Variants in AGTRAP observed in about 807,000 individuals in gnomAD.
The protein encoded by AGTRAP is type-1 angiotensin II receptor-associated protein.
A neutral mutation model predicts 15.2 loss-of-function variants in AGTRAP; 7 were observed. That is an observed-to-expected ratio of 0.46 (90% CI 0.26 to 0.87). The LOEUF (loss-of-function observed/expected upper bound fraction) is 0.87, where lower values mean the gene tolerates loss of function less well. Among genes scored for constraint, AGTRAP ranks in the 40% least tolerant of loss-of-function variants. The pLI is 0.15. For synonymous variants in AGTRAP, 74 were observed against 89.6 expected, an observed-to-expected ratio of 0.83 and a Z score of 0.98; for missense variants, 187 against 213.4, an observed-to-expected ratio of 0.88 and a Z score of 0.77.
At chr1:11,738,721 A>G (rs1641956549) in intron 1 of AGTRAP, among the ~76,000 whole-genome samples, 1 of 152,178 alleles carries the variant, frequency 6.6e-6, no homozygotes, top group Non-Finnish European at 1.5e-5. Context: ...TCATGGAGCC[A>G]GGATCAGATC....
intron 1 of AGTRAP, among the ~76,000 whole-genome samples, chr1:11,739,415 G>A (rs1001266741): frequency 1.3e-5 from 2 of 152,122 alleles, no homozygotes; most frequent in Non-Finnish European, 2.9e-5. Flanking sequence ...GCTGGGTGTG[G>A]TGGTGCTCGC....
rs920098098 is a variant in AGTRAP at position 11,745,717 on chromosome 1, G to A, written c.28-86G>A. On this transcript the variant is annotated intron_variant, in intron 1 of 4. Transcript: ENST00000314340. This position sits in a 1 kb window ranked among gnomAD's most constrained non-coding sequence, Gnocchi z 4.2. ...CCTCAGAGGTGCCAGGCGCAGGGGC[G>A]TCCTGTGTTTTCTGCACCCGACGCT... 10 of 1,452,324 alleles carry A rather than the reference G, an allele frequency of 6.9e-6. No homozygotes were observed. The highest frequency in any genetic ancestry group is 1.7e-4 in the Middle Eastern group (1 of 5,738). The allele number at this position is 1,452,324 out of a possible 1,614,324, so 90.0% of individuals were successfully genotyped here. A position where few individuals can be genotyped will look rare whatever the true frequency, so the allele number is the denominator to read the frequency against.
chr1:11,750,071 A>G lies in AGTRAP; in HGVS notation c.365-6A>G. On this transcript the variant is annotated splice_polypyrimidine_tract_variant and splice_region_variant and intron_variant, in intron 4 of 4. Transcript: ENST00000314340. ...TTTCTTTCCCACCATGTCCCCTGTC[A>G]CCTAGGTTTCCTTGGGTCTTCTCAG... is the stretch of plus-strand genomic sequence containing the variant. The G allele has an allele frequency of 1.2e-6, 2 of 1,610,868 alleles. No homozygotes were observed. Among genetic ancestry groups the G allele is most frequent in the Non-Finnish European group, 1.7e-6 (2 of 1,177,420 alleles).
intron 1 of AGTRAP, among the ~76,000 whole-genome samples, chr1:11,737,786 G>A (rs1292190362): frequency 1.3e-5 from 2 of 152,108 alleles, no homozygotes; most frequent in East Asian, 1.9e-4. Context: ...GCATCCACAG[G>A]TATGAGCTAT....
At chr1:11,738,949 T>A (rs1398439577) in intron 1 of AGTRAP, among the ~76,000 whole-genome samples, 3 of 152,206 alleles carry the variant, frequency 2.0e-5, no homozygotes, top group Non-Finnish European at 4.4e-5. Flanking sequence ...AACAAAGGGT[T>A]TAAGTCTTGG....
intron 1 of AGTRAP, among the ~76,000 whole-genome samples, chr1:11,743,924 G>C (rs1204978884): frequency 6.6e-6 from 1 of 152,126 alleles, no homozygotes; most frequent in Non-Finnish European, 1.5e-5. Flanking sequence ...TCCCGGAGTA[G>C]AGACCAGTTC....
intron 1 of AGTRAP, 123 bp downstream of exon 1, chr1:11,736,358 G>C: frequency 1.5e-6 from 2 of 1,342,132 alleles, no homozygotes; most frequent in Non-Finnish European, 2.0e-6. Context: ...GGAAGGGAAG[G>C]TACAGACCCC....
chr1:11,739,506 C>T (rs983318816), intron 1 of AGTRAP, among the ~76,000 whole-genome samples: 2 of 152,178 alleles, frequency 1.3e-5, no homozygotes, highest in South Asian at 2.1e-4. Context: ...GAGCCGAGAT[C>T]GCACCACTGC....
chr1:11,737,672 A>G lies in AGTRAP; in HGVS notation c.27+1437A>G, dbSNP rs543026087. On this transcript the variant is annotated intron_variant, in intron 1 of 4. Transcript: ENST00000314340. ...TCCAGGGCCAGGTCCTTTCTGGGGT[A>G]CCAGCTTAGGGCTGACTTTAACGTT... Among the ~76,000 whole-genome samples, 11 of 152,328 alleles carry G rather than the reference A, an allele frequency of 7.2e-5. No homozygotes were observed. The South Asian group carries it at 1.0e-3, about 14-fold the overall frequency.
intron 1 of AGTRAP, among the ~76,000 whole-genome samples, chr1:11,744,738 A>G (rs1239250021): frequency 3.3e-5 from 5 of 152,238 alleles, no homozygotes; most frequent in East Asian, 1.9e-4. Context: ...GGGCGAGTCC[A>G]TAGAGTAAAG....
chr1:11,736,487 C>T (rs1641899779), intron 1 of AGTRAP, among the ~76,000 whole-genome samples: 3 of 152,190 alleles, frequency 2.0e-5, no homozygotes. Flanking sequence ...CGCCCCCTCC[C>T]GGACTCAGAC....
chr1:11,746,264 G>A lies in AGTRAP; in HGVS notation c.62+427G>A, dbSNP rs1197081593. 2.7e-6 allele frequency: 4 copies of A among 1,501,122 alleles called. No homozygotes were observed. In the East Asian group the frequency reaches 7.0e-5, roughly 26 times the overall value. 93.0% of individuals were successfully genotyped at this position (1,501,122 alleles called of 1,614,324 possible). A position where few individuals can be genotyped will look rare whatever the true frequency, so the allele number is the denominator to read the frequency against. ...TGTAACCATCATGATTCACGACCTT[G>A]AGAAGCAGGGCCAAAATACAGATTT... On this transcript the variant is annotated intron_variant, in intron 2 of 4. Coordinates refer to ENST00000314340, the MANE Select transcript of AGTRAP (RefSeq NM_020350.5).
chr1:11,746,690 T>C (rs72856823), intron 2 of AGTRAP: 3,505 of 163,158 alleles, frequency 0.021, 130 homozygotes, highest in African/African-American at 0.075. Flanking sequence ...TCCTCATCTC[T>C]AAAGTGAGGG....
At chr1:11,743,786 G>A (rs1018438158) in intron 1 of AGTRAP, among the ~76,000 whole-genome samples, 2 of 151,644 alleles carry the variant, frequency 1.3e-5, no homozygotes, top group Admixed American at 6.6e-5. Context: ...GGCTGATCTC[G>A]AACTCCCGAC....
Position 11,745,895 on chromosome 1 carries a change from C to A in AGTRAP, c.62+58C>A. On this transcript the variant is annotated intron_variant, in intron 2 of 4. Transcript: ENST00000314340. This position sits in a 1 kb window ranked among gnomAD's most constrained non-coding sequence, Gnocchi z 4.2. The stretch of plus-strand genomic sequence containing the variant: ...CTGCGGTCTCAGGGTCTGTGTCAGC[C>A]GGGTCAGGTCCTGGTTCTGCCGTGT... 6.2e-7 allele frequency: 1 copy of A among 1,603,588 alleles called. No individual in the cohort carries two copies. The highest frequency in any genetic ancestry group is 8.5e-7 in the Non-Finnish European group (1 of 1,170,530).
intron 1 of AGTRAP, among the ~76,000 whole-genome samples, chr1:11,737,944 C>G (rs1165175665): frequency 6.6e-6 from 1 of 152,014 alleles, no homozygotes; most frequent in Non-Finnish European, 1.5e-5. Flanking sequence ...AGGTCGTGTA[C>G]AGGAGATCCA....
Position 11,748,499 on chromosome 1 carries a change from G to A in AGTRAP, c.253G>A (p.Gly85Ser), listed in dbSNP as rs1399380917. Residue 85 changes from glycine (G) to serine (S), a missense_variant, in exon 4 of 5, where the codon GGC (glycine) becomes AGC (serine). By Grantham distance (56) the Gly-to-Ser change is moderately conservative (BLOSUM62 0). Transcript: ENST00000314340. Reference sequence around the variant, plus strand: ...CCCGCGGGTCAGCCTCACGGACACGGGCCGCTTTGGCGTGGGCATGGCCAT... The same window carrying A: ...CCCGCGGGTCAGCCTCACGGACACGAGCCGCTTTGGCGTGGGCATGGCCAT... ...FYPRVSLTDT[G>S]RFGVGMAILS... 3.1e-6 allele frequency: 5 copies of A among 1,613,158 alleles called. No individual in the cohort carries two copies. In the East Asian group the frequency reaches 8.9e-5, roughly 29 times the overall value.
At position 11,747,428 on chromosome 1, in the gene AGTRAP, C is replaced by A. The variant is rs770083300; in HGVS notation, c.63-12C>A. The A allele has an allele frequency of 6.2e-7, 1 of 1,613,412 alleles. No homozygotes were observed. Among genetic ancestry groups the A allele is most frequent in the African/African-American group, 1.3e-5 (1 of 74,932 alleles). ...TGGCCTCCTGACGGGACTGAGCTAC[C>A]TCTTCCTACAGGGGCTGCATTGTAT... is the stretch of plus-strand genomic sequence containing the variant. On this transcript the variant is annotated splice_polypyrimidine_tract_variant and intron_variant, in intron 2 of 4. Coordinates refer to ENST00000314340, the MANE Select transcript of AGTRAP (RefSeq NM_020350.5).
chr1:11,747,800 T>C (rs1443390046), intron 3 of AGTRAP, among the ~76,000 whole-genome samples: 1 of 152,190 alleles, frequency 6.6e-6, no homozygotes, highest in Non-Finnish European at 1.5e-5. Flanking sequence ...AGCCATGGGG[T>C]GGGTCCCACC....
Sources: gnomAD v4.1 joint callset for allele counts (sites outside exome capture counted in the v4.1 genomes callset) on GRCh38, gnomAD v4.1.1 for gene constraint, Gnocchi (gnomAD v3.1) non-coding constraint, MANE v1.5 for transcripts, NCBI Gene and HGNC (gene_info 2026-07-23, HGNC 2026-07-21) for gene names.